The following CEP70 variants were observed in gnomAD, a reference collection of about 807,000 sequenced individuals.
The protein encoded by CEP70 is centrosomal protein of 70 kDa.
In CEP70, 70 loss-of-function variants were observed where a neutral mutation model predicts 90.9. That is an observed-to-expected ratio of 0.77 (90% CI 0.64 to 0.94). The LOEUF (loss-of-function observed/expected upper bound fraction) is 0.94, where lower values mean the gene tolerates loss of function less well. CEP70 is among the 40% of genes least tolerant of loss of function. The pLI is 0.00. For missense variants in CEP70, 648 were observed against 669.0 expected (o/e 0.97, Z 0.35); for synonymous variants, 220 against 228.3 (o/e 0.96, Z 0.33).
intron 6 of CEP70, among the ~76,000 whole-genome samples, chr3:138,537,903 A>C (rs533716948): frequency 2.6e-4 from 39 of 152,290 alleles, no homozygotes; most frequent in African/African-American, 8.4e-4. Context: ...TATTACCAGC[A>C]ATATCCCAGA....
chr3:138,589,491 GAA>G (rs765699825), intron 2 of CEP70, among the ~76,000 whole-genome samples: 6 of 116,544 alleles, frequency 5.1e-5, no homozygotes, highest in Non-Finnish European at 5.6e-5. Context: ...TGTCTCTCAA[GAA>G]AAAAAAAAAA....
At chr3:138,589,999 A>G (rs1488427312) in intron 2 of CEP70, among the ~76,000 whole-genome samples, 1 of 152,214 alleles carries the variant, frequency 6.6e-6, no homozygotes, top group Non-Finnish European at 1.5e-5. Flanking sequence ...CATTAAATAT[A>G]TTAATAGAAC....
At chr3:138,574,983 A>G (rs575721738) in intron 2 of CEP70, among the ~76,000 whole-genome samples, 1 of 152,348 alleles carries the variant, frequency 6.6e-6, no homozygotes, top group Admixed American at 6.5e-5. Context: ...ATAAAACTAC[A>G]AAGATGGGGA....
chr3:138,588,688 G>C (rs142576322), intron 2 of CEP70, among the ~76,000 whole-genome samples: 2,210 of 152,244 alleles, frequency 0.015, 38 homozygotes, highest in Non-Finnish European at 0.018. Context: ...TTCTTAAAAG[G>C]TTAATAAGCA....
At chr3:138,525,284 G>A (rs1024362423) in intron 11 of CEP70, among the ~76,000 whole-genome samples, 7 of 151,954 alleles carry the variant, frequency 4.6e-5, no homozygotes, top group African/African-American at 1.7e-4. Context: ...GGAGTGGGGA[G>A]GGATAGCATT....
At chr3:138,571,979 CGT>C (rs2041207673) in intron 3 of CEP70, among the ~76,000 whole-genome samples, 1 of 152,146 alleles carries the variant, frequency 6.6e-6, no homozygotes, top group African/African-American at 2.4e-5. Context: ...GGGGTTTCAC[CGT>C]GTTAGCCAGG....
intron 6 of CEP70, among the ~76,000 whole-genome samples, chr3:138,560,020 C>G (rs2040284845): frequency 1.3e-5 from 2 of 152,146 alleles, no homozygotes; most frequent in African/African-American, 4.8e-5. Context: ...TAGAGCTACT[C>G]TGAAAAAGTC....
intron 2 of CEP70, among the ~76,000 whole-genome samples, chr3:138,586,560 T>C (rs57952208): frequency 0.048 from 7,231 of 152,156 alleles, 552 homozygotes; most frequent in African/African-American, 0.16. Flanking sequence ...TTATTTTAAG[T>C]GAAATAAGCC....
At chr3:138,561,139 A>C (rs1174457381) in intron 6 of CEP70, among the ~76,000 whole-genome samples, 1 of 152,066 alleles carries the variant, frequency 6.6e-6, no homozygotes, top group Non-Finnish European at 1.5e-5. Context: ...CATACAGGAG[A>C]GCTCCAGCTG....
intron 10 of CEP70, among the ~76,000 whole-genome samples, chr3:138,526,203 T>C (rs1048391711): frequency 9.9e-5 from 15 of 152,118 alleles, no homozygotes; most frequent in Admixed American, 3.3e-4. Context: ...CACTGTCACC[T>C]AGGCTGGAGT....
rs770737070 is a variant in CEP70, at chr3:138,500,391, G to A, written c.1537+8C>T. Reference sequence around the variant, plus strand: ...ATGGGGGCCCAAAATGACAAATTAGGTCATCACCTAATTCTAAGAGTTCTT... The same window carrying A: ...ATGGGGGCCCAAAATGACAAATTAGATCATCACCTAATTCTAAGAGTTCTT... On this transcript the variant is annotated splice_region_variant and intron_variant, in intron 15 of 17. Coordinates refer to ENST00000264982, the MANE Select transcript of CEP70 (RefSeq NM_024491.4). The A allele has an allele frequency of 3.2e-6, 5 of 1,568,658 alleles. No homozygotes were observed. The highest frequency in any genetic ancestry group is 4.3e-6 in the Non-Finnish European group (5 of 1,163,962).
chr3:138,498,335 A>G (rs1331729819), intron 16 of CEP70, among the ~76,000 whole-genome samples: 2 of 149,036 alleles, frequency 1.3e-5, no homozygotes, highest in Non-Finnish European at 3.0e-5. Flanking sequence ...CATATATAAC[A>G]TTCTTTTTTT....
intron 10 of CEP70, among the ~76,000 whole-genome samples, chr3:138,527,919 G>A (rs1464924728): frequency 6.7e-6 from 1 of 148,208 alleles, no homozygotes; most frequent in Non-Finnish European, 1.5e-5. Context: ...TTTCATAGGT[G>A]TATACACATA....
intron 11 of CEP70, among the ~76,000 whole-genome samples, chr3:138,517,769 G>A (rs1249147535): frequency 3.3e-5 from 5 of 152,204 alleles, no homozygotes; most frequent in Non-Finnish European, 7.3e-5. Flanking sequence ...CGCAGAAGAC[G>A]GGTGATTTCT....
intron 11 of CEP70, among the ~76,000 whole-genome samples, chr3:138,520,009 C>T (rs1360252477): frequency 6.6e-6 from 1 of 151,582 alleles, no homozygotes; most frequent in Non-Finnish European, 1.5e-5. Flanking sequence ...AAATGGAAAA[C>T]AAAAAAAGGC....
chr3:138,570,002 T>C (rs1576883031), intron 6 of CEP70, among the ~76,000 whole-genome samples: 1 of 152,124 alleles, frequency 6.6e-6, no homozygotes, highest in East Asian at 1.9e-4. Flanking sequence ...TTGGATCCTA[T>C]GTTAGATTGA....
At chr3:138,525,205 G>C (rs370549907) in intron 11 of CEP70, among the ~76,000 whole-genome samples, 2 of 150,522 alleles carry the variant, frequency 1.3e-5, no homozygotes, top group African/African-American at 4.9e-5. Context: ...ATAGGTGGGA[G>C]TTGAACAATG....
chr3:138,558,874 T>C (rs2040204493), intron 6 of CEP70, among the ~76,000 whole-genome samples: 1 of 152,064 alleles, frequency 6.6e-6, no homozygotes, highest in Non-Finnish European at 1.5e-5. Context: ...TAAAAAGTAA[T>C]CCACTGAGAA....
intron 6 of CEP70, among the ~76,000 whole-genome samples, chr3:138,539,104 C>T (rs1017797626): frequency 2.6e-5 from 4 of 152,170 alleles, no homozygotes; most frequent in South Asian, 4.1e-4. Flanking sequence ...CTTCCACGTC[C>T]TGGGTTCAAG....
Sources: allele counts gnomAD v4.1 joint callset (sites outside exome capture counted in the v4.1 genomes callset), GRCh38; gene constraint gnomAD v4.1.1; transcripts MANE v1.5; gene names NCBI Gene and HGNC (gene_info 2026-07-23, HGNC 2026-07-21).